Variants in NRXN1 observed in about 807,000 individuals in gnomAD.
NRXN1 encodes neurexin 1, also known as neurexin-1.
A neutral mutation model predicts 150.9 loss-of-function variants in NRXN1; 39 were observed. The ratio of observed to expected loss-of-function variants is 0.26; its 90% CI spans 0.20 to 0.34. The LOEUF is 0.34. Ranked by LOEUF, NRXN1 falls within the 10% of genes least tolerant of loss-of-function variation. The pLI, the probability that NRXN1 is intolerant of heterozygous loss-of-function variation, is 1.00. For missense variants in NRXN1, 1,815 were observed against 1,949.9 expected (o/e 0.93, Z 1.30); for synonymous variants, 924 against 757.0 (o/e 1.22, Z -3.62).
chr2:50,830,201 T>A (rs1281573210), intron 5 of NRXN1, among the ~76,000 whole-genome samples: 5 of 151,968 alleles, frequency 3.3e-5, no homozygotes, highest in African/African-American at 4.8e-5. Flanking sequence ...CATACAGATT[T>A]GGATTATGAA....
intron 17 of NRXN1, among the ~76,000 whole-genome samples, chr2:50,426,505 A>G (rs746415050): frequency 6.6e-6 from 1 of 152,138 alleles, no homozygotes; most frequent in Non-Finnish European, 1.5e-5. Flanking sequence ...AGTGTATTGT[A>G]TTTTGTTTTC....
rs141845308 is a variant in NRXN1, at chr2:50,445,912, A to T, written c.3364+19530T>A. Among the ~76,000 whole-genome samples the T allele has an allele frequency of 5.5e-3, 837 of 152,286 alleles. 7 individuals are homozygous for T. The highest frequency in any genetic ancestry group is 0.05 in the South Asian group (242 of 4,822). On this transcript the variant is annotated intron_variant, in intron 17 of 22. Transcript: ENST00000401669. ...TCCTCCTCTCCATTGCTTTTCTAAA[A>T]GATAGGTCCTGAAACATGGTATTGA...
chr2:50,084,292 C>T (rs537023106), intron 19 of NRXN1, among the ~76,000 whole-genome samples: 9 of 152,240 alleles, frequency 5.9e-5, no homozygotes, highest in African/African-American at 2.2e-4. Flanking sequence ...GAGCCCGTGG[C>T]GGGGGGACAC....
At chr2:50,654,340 C>A (rs971172494) in intron 5 of NRXN1, among the ~76,000 whole-genome samples, 1 of 151,522 alleles carries the variant, frequency 6.6e-6, no homozygotes, top group Non-Finnish European at 1.5e-5. Context: ...TCATCCATGT[C>A]CCTACAAAGG....
chr2:50,801,239 A>C (rs1707542118), intron 5 of NRXN1, among the ~76,000 whole-genome samples: 1 of 152,144 alleles, frequency 6.6e-6, no homozygotes, highest in Non-Finnish European at 1.5e-5. Flanking sequence ...CATTTCTACA[A>C]AACTCAATTT....
intron 17 of NRXN1, among the ~76,000 whole-genome samples, chr2:50,387,818 T>G (rs1028269847): frequency 5.3e-5 from 8 of 152,220 alleles, no homozygotes; most frequent in Non-Finnish European, 1.5e-5. Context: ...AGCACCATTA[T>G]GAACTCCCAG....
At chr2:50,389,995 C>A (rs1444313023) in intron 17 of NRXN1, among the ~76,000 whole-genome samples, 1 of 152,050 alleles carries the variant, frequency 6.6e-6, no homozygotes, top group Non-Finnish European at 1.5e-5. Context: ...TTATTTATAC[C>A]AAGTTAGGCA....
intron 5 of NRXN1, among the ~76,000 whole-genome samples, chr2:50,806,747 CTT>C (rs1279752418): frequency 6.6e-6 from 1 of 152,122 alleles, no homozygotes; most frequent in Non-Finnish European, 1.5e-5. Flanking sequence ...CTCTCTCTCT[CTT>C]ATTGAGCTAC....
At chr2:50,224,697 G>C (rs10203382) in intron 18 of NRXN1, among the ~76,000 whole-genome samples, 2 of 29,464 alleles carry the variant, frequency 6.8e-5, no homozygotes, top group South Asian at 1.8e-3. Flanking sequence ...GGGAGAAAGA[G>C]AGAGAGAGAG....
intron 5 of NRXN1, among the ~76,000 whole-genome samples, chr2:50,725,376 A>C (rs1222027245): frequency 6.6e-6 from 1 of 152,010 alleles, no homozygotes; most frequent in South Asian, 2.1e-4. Context: ...TCTAATTGCA[A>C]TCAACAGCAA....
At chr2:50,411,430 C>T (rs1558684636) in intron 17 of NRXN1, among the ~76,000 whole-genome samples, 1 of 152,206 alleles carries the variant, frequency 6.6e-6, no homozygotes. Context: ...GAGATTGCAG[C>T]CTCTGCCCGG....
intron 15 of NRXN1, among the ~76,000 whole-genome samples, chr2:50,479,339 C>G (rs2090251219): frequency 6.6e-6 from 1 of 152,146 alleles, no homozygotes; most frequent in African/African-American, 2.4e-5. Context: ...TCTTCAAAAT[C>G]CTACTCAACT....
chr2:50,496,251 A>G (rs1221062413), intron 14 of NRXN1, among the ~76,000 whole-genome samples, 156 bp from the exon 15 acceptor site: 4 of 152,210 alleles, frequency 2.6e-5, no homozygotes, highest in African/African-American at 4.8e-5. Context: ...TCAAGAAGGT[A>G]ACAAACACTA....
intron 2 of NRXN1, among the ~76,000 whole-genome samples, chr2:50,950,825 T>C (rs1558477651): frequency 6.6e-6 from 1 of 152,200 alleles, no homozygotes; most frequent in Non-Finnish European, 1.5e-5. Context: ...ACAGAAACAA[T>C]AGCTTTAGTT....
At chr2:50,556,064 C>A (rs1227981027) in intron 8 of NRXN1, among the ~76,000 whole-genome samples, 1 of 152,084 alleles carries the variant, frequency 6.6e-6, no homozygotes, top group Non-Finnish European at 1.5e-5. Context: ...GTATTTTTTT[C>A]TTCCCATTTT....
At chr2:50,152,592 T>C (rs1394244833) in intron 18 of NRXN1, among the ~76,000 whole-genome samples, 2 of 151,850 alleles carry the variant, frequency 1.3e-5, no homozygotes, top group African/African-American at 2.4e-5. Flanking sequence ...TATAGGATTC[T>C]TGGTTCACAG....
At chr2:50,011,605 T>G (rs968144744) in intron 21 of NRXN1, among the ~76,000 whole-genome samples, 5 of 152,182 alleles carry the variant, frequency 3.3e-5, no homozygotes, top group African/African-American at 1.2e-4. Context: ...TTTATATAAT[T>G]TTATAAAATA....
At chr2:50,673,486 C>T (rs1261331685) in intron 5 of NRXN1, among the ~76,000 whole-genome samples, 1 of 152,008 alleles carries the variant, frequency 6.6e-6, no homozygotes, top group African/African-American at 2.4e-5. Flanking sequence ...AATGATTCCC[C>T]CATTCTATGC....
chr2:50,373,487 G>A (rs766661616), intron 17 of NRXN1, among the ~76,000 whole-genome samples: 3 of 150,134 alleles, frequency 2.0e-5, no homozygotes, highest in Non-Finnish European at 4.4e-5. Flanking sequence ...ATAAGAACAA[G>A]AGTGACAAAA....
Sources: allele counts gnomAD v4.1 joint callset (sites outside exome capture counted in the v4.1 genomes callset), GRCh38; gene constraint gnomAD v4.1.1; transcripts MANE v1.5; gene names NCBI Gene and HGNC (gene_info 2026-07-23, HGNC 2026-07-21).